The following ANKS1B variants were observed in gnomAD, a reference collection of about 807,000 sequenced individuals.
The protein encoded by ANKS1B is ankyrin repeat and sterile alpha motif domain-containing protein 1B.
In ANKS1B, 36 loss-of-function variants were observed where a neutral mutation model predicts 148.3. The ratio of observed to expected loss-of-function variants is 0.24; its 90% confidence interval spans 0.19 to 0.32. The LOEUF (loss-of-function observed/expected upper bound fraction) is 0.32, where lower values mean the gene tolerates loss of function less well. ANKS1B is among the 10% of genes least tolerant of loss of function. The pLI is 1.00. For synonymous variants in ANKS1B, 542 were observed against 560.8 expected, an observed-to-expected ratio of 0.97 and a Z score of 0.47; for missense variants, 1,157 against 1,542.6, an observed-to-expected ratio of 0.75 and a Z score of 4.19.
At chr12:99,236,369 T>C (rs1002166004) in intron 14 of ANKS1B, among the ~76,000 whole-genome samples, 2 of 152,184 alleles carry the variant, frequency 1.3e-5, no homozygotes, top group Non-Finnish European at 2.9e-5. Flanking sequence ...CAGTTTCGCA[T>C]GGCTGAGGAG....
intron 17 of ANKS1B, among the ~76,000 whole-genome samples, chr12:98,927,359 G>T (rs904743661): frequency 6.6e-6 from 1 of 152,026 alleles, no homozygotes; most frequent in Non-Finnish European, 1.5e-5. Flanking sequence ...GAAACCTTCC[G>T]GGGGAAATGA....
chr12:99,088,932 G>T (rs1275927174), intron 15 of ANKS1B, among the ~76,000 whole-genome samples: 1 of 126,766 alleles, frequency 7.9e-6, no homozygotes, highest in Non-Finnish European at 1.5e-5. Flanking sequence ...TGCAACCTCT[G>T]TCTCCTGTGT....
chr12:98,889,925 G>A (rs986598434), intron 17 of ANKS1B, among the ~76,000 whole-genome samples: 1 of 152,104 alleles, frequency 6.6e-6, no homozygotes, highest in Non-Finnish European at 1.5e-5. Context: ...GTTTCTGGGA[G>A]GTATTAGGAA....
In ANKS1B at chr12:99,451,346, T is replaced by C. The variant is rs1360807029; in HGVS notation, c.1439-7537A>G. 3.9e-5 allele frequency among the ~76,000 whole-genome samples: 6 copies of C among 152,334 alleles called. 1 individual carries two copies. The South Asian group carries it at 1.2e-3, about 32-fold the overall frequency. On this transcript the variant is annotated intron_variant, in intron 10 of 26. Coordinates refer to ENST00000683438, the MANE Select transcript of ANKS1B (RefSeq NM_001352186.2). ...AGTATTTTAACATCAATACCCAGCA[T>C]GTAACAAACAGTTTAAGTATACCAG... is the stretch of plus-strand genomic sequence containing the variant.
At chr12:99,714,931 C>T (rs2057107452) in intron 8 of ANKS1B, among the ~76,000 whole-genome samples, 1 of 145,694 alleles carries the variant, frequency 6.9e-6, no homozygotes, top group Non-Finnish European at 1.5e-5. Context: ...CCAGCCTGGC[C>T]AACATAGTGA....
intron 16 of ANKS1B, among the ~76,000 whole-genome samples, chr12:99,054,276 C>T (rs1465942768): frequency 1.3e-5 from 2 of 152,118 alleles, no homozygotes; most frequent in East Asian, 3.9e-4. Context: ...GGGCAAAACA[C>T]AACATAGATT....
intron 12 of ANKS1B, among the ~76,000 whole-genome samples, chr12:99,331,258 A>C (rs1566908031): frequency 6.6e-6 from 1 of 151,910 alleles, no homozygotes; most frequent in Non-Finnish European, 1.5e-5. Flanking sequence ...TAACGTCCTA[A>C]AAAAAGAAAC....
intron 6 of ANKS1B, among the ~76,000 whole-genome samples, chr12:99,777,553 T>C (rs1377227728): frequency 1.3e-5 from 2 of 152,028 alleles, no homozygotes. Context: ...ATTACACACA[T>C]GCTTCAGTTT....
At position 98,936,623 on chromosome 12, in the gene ANKS1B, TA is replaced by T. The variant is rs201127042; in HGVS notation, c.2779-104488del. Reference sequence around the variant, plus strand: ...GCCTGGTGACAGAGTGAGACTCTGTTAAAAAAAAAAAGAACAATTAATTCTT... The same window carrying T: ...GCCTGGTGACAGAGTGAGACTCTGTTAAAAAAAAAAGAACAATTAATTCTT... On this transcript the variant is annotated intron_variant, in intron 17 of 26. Coordinates refer to ENST00000683438, the MANE Select transcript of ANKS1B (RefSeq NM_001352186.2). 2.8e-3 allele frequency among the ~76,000 whole-genome samples: 409 copies of T among 146,396 alleles called. 4 individuals carry two copies. In the East Asian group the frequency reaches 0.046, roughly 17 times the overall value.
chr12:99,706,940 C>T (rs1311342272), intron 8 of ANKS1B, among the ~76,000 whole-genome samples: 3 of 152,050 alleles, frequency 2.0e-5, no homozygotes, highest in Admixed American at 1.3e-4. Flanking sequence ...GAGCCACAGA[C>T]GAGGTCCCAT....
chr12:99,396,763 A>G (rs544511043), intron 12 of ANKS1B, among the ~76,000 whole-genome samples: 1 of 152,252 alleles, frequency 6.6e-6, no homozygotes, highest in East Asian at 1.9e-4. Flanking sequence ...AATAAAGGGG[A>G]AAAGGTAATA....
chr12:99,923,654 A>G (rs960518322), intron 1 of ANKS1B, among the ~76,000 whole-genome samples: 1 of 152,144 alleles, frequency 6.6e-6, no homozygotes, highest in Non-Finnish European at 1.5e-5. Context: ...AAAAGTAAGG[A>G]AGAAGGAGAT....
intron 9 of ANKS1B, among the ~76,000 whole-genome samples, chr12:99,606,363 C>A (rs1168674749): frequency 6.6e-6 from 1 of 151,802 alleles, no homozygotes; most frequent in African/African-American, 2.4e-5. Flanking sequence ...GAGTTGTTTC[C>A]TTTATAATTT....
chr12:99,819,151 T>G (rs190478331), intron 2 of ANKS1B, among the ~76,000 whole-genome samples: 169 of 152,020 alleles, frequency 1.1e-3, no homozygotes, highest in African/African-American at 4.0e-3. Context: ...CTTGACACTT[T>G]TACTTCTCTT....
At chr12:98,903,939 G>T (rs190906240) in intron 17 of ANKS1B, among the ~76,000 whole-genome samples, 11 of 152,172 alleles carry the variant, frequency 7.2e-5, no homozygotes, top group East Asian at 5.8e-4. Context: ...TCAAGTGAAG[G>T]TTTCTGAAAC....
intron 23 of ANKS1B, 80 bp from the exon 24 acceptor site, chr12:98,781,283 T>TA: frequency 2.6e-6 from 2 of 780,090 alleles, no homozygotes; most frequent in African/African-American, 1.7e-5. Flanking sequence ...TCCTGAAAGA[T>TA]AAAGATGAGC....
At chr12:99,101,779 C>G (rs2058005493) in intron 15 of ANKS1B, among the ~76,000 whole-genome samples, 1 of 152,150 alleles carries the variant, frequency 6.6e-6, no homozygotes, top group Admixed American at 6.5e-5. Flanking sequence ...CCAGGCTGGT[C>G]TTGAACTCCT....
intron 17 of ANKS1B, among the ~76,000 whole-genome samples, chr12:98,955,978 T>C (rs2099861534): frequency 6.6e-6 from 1 of 152,218 alleles, no homozygotes; most frequent in South Asian, 2.1e-4. Context: ...GATGTGACAT[T>C]GGAAATCAGA....
At chr12:98,954,029 G>A (rs1427098003) in intron 17 of ANKS1B, among the ~76,000 whole-genome samples, 1 of 152,140 alleles carries the variant, frequency 6.6e-6, no homozygotes, top group African/African-American at 2.4e-5. Context: ...GTCATTAAAT[G>A]AGCAGCAGCA....
Sources: gnomAD v4.1 joint callset for allele counts (sites outside exome capture counted in the v4.1 genomes callset) on GRCh38, gnomAD v4.1.1 for gene constraint, MANE v1.5 for transcripts, NCBI Gene and HGNC (gene_info 2026-07-23, HGNC 2026-07-21) for gene names.